Variants in GALNT17 observed in about 807,000 individuals in gnomAD.
The protein encoded by GALNT17 is UDP-GalNAc:polypeptide N-acetylgalactosaminyltransferase-like 3.
Under a neutral mutation model 63.7 loss-of-function variants are expected in GALNT17, and 29 were observed. The observed-to-expected ratio is 0.46, with a 90% CI of 0.34 to 0.62. GALNT17 has a LOEUF of 0.62. Ranked by LOEUF, GALNT17 falls within the 20% of genes least tolerant of loss-of-function variation. The pLI, the probability that GALNT17 is intolerant of heterozygous loss-of-function variation, is 0.01. For missense variants in GALNT17, 603 were observed against 799.6 expected, an observed-to-expected ratio of 0.75 and a Z score of 2.97; for synonymous variants, 305 against 318.3, an observed-to-expected ratio of 0.96 and a Z score of 0.45.
chr7:71,558,148 C>T (rs1049991045), intron 5 of GALNT17, among the ~76,000 whole-genome samples: 2 of 152,300 alleles, frequency 1.3e-5, no homozygotes, highest in Non-Finnish European at 1.5e-5. Context: ...CTCTCCTCCA[C>T]GGCTTCATCT....
Position 71,712,014 on chromosome 7 carries a change from C to T in GALNT17, c.1669-4C>T, listed in dbSNP as rs1791802115. ...CCTCTCTTCTCGATTTTGCCCCCTC[C>T]CAGAATGGAGCCATCATGAACAAGG... On this transcript the variant is annotated splice_region_variant and splice_polypyrimidine_tract_variant and intron_variant, in intron 10 of 10. Transcript: ENST00000333538. The T allele has an allele frequency of 6.2e-7, 1 of 1,613,848 alleles. No individual in the cohort carries two copies. Among genetic ancestry groups the T allele is most frequent in the Non-Finnish European group, 8.5e-7 (1 of 1,179,882 alleles).
chr7:71,214,687 C>G (rs1318045361), intron 1 of GALNT17, among the ~76,000 whole-genome samples: 1 of 151,570 alleles, frequency 6.6e-6, no homozygotes, highest in Admixed American at 6.6e-5. Context: ...AAGCAATTCT[C>G]CTGCCTCAGC....
intron 1 of GALNT17, among the ~76,000 whole-genome samples, chr7:71,258,543 T>C (rs1299683056): frequency 6.6e-6 from 1 of 152,226 alleles, no homozygotes; most frequent in Non-Finnish European, 1.5e-5. Context: ...CAAGAAGTTT[T>C]CAGTCTGCTG....
At chr7:71,464,817 G>T (rs758618937) in intron 5 of GALNT17, among the ~76,000 whole-genome samples, 20 of 152,042 alleles carry the variant, frequency 1.3e-4, no homozygotes, top group Non-Finnish European at 2.2e-4. Context: ...GTCTAGTCTT[G>T]TTCTCCCCAG....
intron 1 of GALNT17, among the ~76,000 whole-genome samples, chr7:71,177,742 A>T (rs1005742609): frequency 2.0e-5 from 3 of 152,226 alleles, no homozygotes; most frequent in African/African-American, 7.2e-5. Flanking sequence ...ATGAGCATGC[A>T]TATAGCTTGT....
At chr7:71,133,527 A>G (rs1378330077) in intron 1 of GALNT17, among the ~76,000 whole-genome samples, 3 of 152,122 alleles carry the variant, frequency 2.0e-5, no homozygotes, top group Admixed American at 6.6e-5. Flanking sequence ...CTTAGGTAGT[A>G]TATGGGAGGA....
rs967273843 is a variant in GALNT17 at position 71,634,990 on chromosome 7, T to C, written c.1081-30421T>C. 1.1e-4 allele frequency among the ~76,000 whole-genome samples: 16 copies of C among 151,808 alleles called. No individual in the cohort carries two copies. The East Asian group carries it at 2.7e-3, about 26-fold the overall frequency. On this transcript the variant is annotated intron_variant, in intron 6 of 10. Coordinates refer to ENST00000333538, the MANE Select transcript of GALNT17 (RefSeq NM_022479.3). Reference sequence around the variant, plus strand: ...TTGGGAGGCTGAGGCGGGTGGATCATGAGGTCAGGAGTTCAAGACCAGCCT... The same window carrying C: ...TTGGGAGGCTGAGGCGGGTGGATCACGAGGTCAGGAGTTCAAGACCAGCCT...
At chr7:71,379,605 C>A (rs1436870334) in intron 2 of GALNT17, among the ~76,000 whole-genome samples, 1 of 152,002 alleles carries the variant, frequency 6.6e-6, no homozygotes, top group Non-Finnish European at 1.5e-5. Context: ...GCAGAATCTG[C>A]AGGATTTGGT....
chr7:71,500,827 A>C (rs541705863), intron 5 of GALNT17, among the ~76,000 whole-genome samples: 1 of 152,006 alleles, frequency 6.6e-6, no homozygotes, highest in Non-Finnish European at 1.5e-5. Flanking sequence ...TCCTACCACC[A>C]TAGTAAGAGC....
chr7:71,565,741 T>C (rs1293206709), intron 5 of GALNT17, among the ~76,000 whole-genome samples: 1 of 152,100 alleles, frequency 6.6e-6, no homozygotes, highest in Non-Finnish European at 1.5e-5. Context: ...AGCCACAGCA[T>C]GGTCCCACAG....
At chr7:71,221,153 G>C (rs1789575346) in intron 1 of GALNT17, among the ~76,000 whole-genome samples, 1 of 152,058 alleles carries the variant, frequency 6.6e-6, no homozygotes, top group African/African-American at 2.4e-5. Context: ...CAGCCCTGGA[G>C]CCCCTAGTGG....
chr7:71,353,267 C>G (rs1475687875), intron 2 of GALNT17, among the ~76,000 whole-genome samples: 1 of 152,070 alleles, frequency 6.6e-6, no homozygotes, highest in Non-Finnish European at 1.5e-5. Context: ...ATGTGTATAT[C>G]TATTTTTTTC....
At chr7:71,711,778 TCTC>T (rs1791796786) in intron 10 of GALNT17, among the ~76,000 whole-genome samples, 1 of 151,332 alleles carries the variant, frequency 6.6e-6, no homozygotes, top group Non-Finnish European at 1.5e-5. Flanking sequence ...TCTCGTTCTC[TCTC>T]CTGTCTCTTT....
chr7:71,421,809 G>A (rs138927542), intron 5 of GALNT17, among the ~76,000 whole-genome samples: 1 of 152,206 alleles, frequency 6.6e-6, no homozygotes, highest in African/African-American at 2.4e-5. Context: ...AATTAGATGG[G>A]CGTGGTGGCA....
chr7:71,526,795 T>C (rs1788632149), intron 5 of GALNT17, among the ~76,000 whole-genome samples: 1 of 152,192 alleles, frequency 6.6e-6, no homozygotes, highest in Non-Finnish European at 1.5e-5. Flanking sequence ...ATTACAGACA[T>C]GACCCACTGC....
At chr7:71,494,107 T>C (rs1225900975) in intron 5 of GALNT17, among the ~76,000 whole-genome samples, 1 of 151,572 alleles carries the variant, frequency 6.6e-6, no homozygotes, top group East Asian at 1.9e-4. Context: ...TCAGGAAACT[T>C]ATGATCATGG....
chr7:71,393,173 A>G (rs1455668831), intron 3 of GALNT17, among the ~76,000 whole-genome samples: 5 of 152,066 alleles, frequency 3.3e-5, no homozygotes, highest in African/African-American at 1.2e-4. Flanking sequence ...ATTAATAGTG[A>G]TGGTTGTTAC....
chr7:71,225,747 C>G (rs1583777114), intron 1 of GALNT17, among the ~76,000 whole-genome samples: 1 of 152,138 alleles, frequency 6.6e-6, no homozygotes, highest in Admixed American at 6.5e-5. Context: ...GCTGTCATTC[C>G]CCGGGAAAAT....
intron 7 of GALNT17, among the ~76,000 whole-genome samples, chr7:71,668,715 A>G (rs1268940576): frequency 6.6e-6 from 1 of 152,092 alleles, no homozygotes; most frequent in African/African-American, 2.4e-5. Flanking sequence ...CCCCCAGTGC[A>G]TCCTGTCTCT....
Sources: gnomAD v4.1 joint callset for allele counts (sites outside exome capture counted in the v4.1 genomes callset) on GRCh38, gnomAD v4.1.1 for gene constraint, MANE v1.5 for transcripts, NCBI Gene and HGNC (gene_info 2026-07-23, HGNC 2026-07-21) for gene names.